The following USH2A variants were observed in gnomAD, a reference collection of about 807,000 sequenced individuals.
USH2A encodes usherin.
USH2A carries 443 observed loss-of-function variants against 538.9 expected under a neutral mutation model. That is an observed-to-expected ratio of 0.82 (90% CI 0.76 to 0.89). The LOEUF is 0.89. Among genes scored for constraint, USH2A ranks in the 40% least tolerant of loss-of-function variants. The pLI, the probability that USH2A is intolerant of heterozygous loss-of-function variation, is 0.00. For synonymous variants in USH2A, 2,413 were observed against 2,273.5 expected, an observed-to-expected ratio of 1.06 and a Z score of -1.75; for missense variants, 6,633 against 6,324.8, an observed-to-expected ratio of 1.05 and a Z score of -1.65.
chr1:216,345,799 G>A (rs905670807), intron 4 of USH2A, among the ~76,000 whole-genome samples: 1 of 152,090 alleles, frequency 6.6e-6, no homozygotes, highest in Admixed American at 6.6e-5. Context: ...TTGACCTTGT[G>A]ACCACATGGC....
At chr1:216,009,745 A>G (rs1174904834) in intron 32 of USH2A, among the ~76,000 whole-genome samples, 2 of 151,994 alleles carry the variant, frequency 1.3e-5, no homozygotes, top group African/African-American at 2.4e-5. Context: ...CCTCCACCCT[A>G]TAATCCTTTT....
rs149339941 is a variant in USH2A at position 216,198,405 on chromosome 1, G to A, written c.3991C>T (p.Pro1331Ser). The A allele has an allele frequency of 6.2e-6, 10 of 1,613,976 alleles. No individual in the cohort carries two copies. The highest frequency in any genetic ancestry group is 4.0e-5 in the African/African-American group (3 of 75,006). ...QTMTTITGLE[P>S]YTKYEFRVLA... Reference sequence around the variant, plus strand: ...ACTCTGAACTCATACTTGGTGTATGGCTCCAAGCCAGTGATGGTTGTCATT... The same window carrying A: ...ACTCTGAACTCATACTTGGTGTATGACTCCAAGCCAGTGATGGTTGTCATT... Residue 1331 changes from proline (P) to serine (S), a missense_variant, in exon 18 of 72, where the codon CCA (proline) becomes TCA (serine). Physicochemically the swap from Pro to Ser is moderately conservative, Grantham distance 74. Coordinates refer to ENST00000307340, the MANE Select transcript of USH2A (RefSeq NM_206933.4).
chr1:216,371,161 A>T (rs988244893), intron 3 of USH2A, among the ~76,000 whole-genome samples: 5 of 152,220 alleles, frequency 3.3e-5, no homozygotes, highest in African/African-American at 1.2e-4. Context: ...TTATAACTTC[A>T]GTTCACAAGT....
intron 4 of USH2A, among the ~76,000 whole-genome samples, chr1:216,346,247 T>C (rs1396202339): frequency 3.9e-5 from 6 of 152,038 alleles, no homozygotes; most frequent in Non-Finnish European, 8.8e-5. Context: ...CCATTAAAAG[T>C]CAGCTTAATT....
At chr1:216,183,828 T>C (rs537881630) in intron 20 of USH2A, among the ~76,000 whole-genome samples, 5 of 152,150 alleles carry the variant, frequency 3.3e-5, no homozygotes, top group Non-Finnish European at 7.4e-5. Flanking sequence ...CTCCTAAATG[T>C]GCGGTTCTTT....
chr1:215,846,086 A>G (rs1663839391), intron 44 of USH2A, 53 bp from the exon 45 acceptor site: 7 of 1,450,296 alleles, frequency 4.8e-6, no homozygotes, highest in Admixed American at 1.9e-5. Flanking sequence ...TTTCAGGGGA[A>G]AAAAAAAATT....
intron 38 of USH2A, among the ~76,000 whole-genome samples, chr1:215,903,428 T>G (rs1452980914): frequency 1.3e-5 from 2 of 151,714 alleles, no homozygotes; most frequent in African/African-American, 4.8e-5. Flanking sequence ...CAAAGGAAGG[T>G]TTTCTAAAGA....
At chr1:216,147,904 C>A (rs1365751593) in intron 21 of USH2A, among the ~76,000 whole-genome samples, 2 of 146,054 alleles carry the variant, frequency 1.4e-5, no homozygotes, top group Non-Finnish European at 3.0e-5. Flanking sequence ...TGTGTGGGAC[C>A]CCACTGAAAA....
intron 21 of USH2A, among the ~76,000 whole-genome samples, chr1:216,118,655 T>C (rs1479111857): frequency 6.6e-6 from 1 of 152,218 alleles, no homozygotes; most frequent in Non-Finnish European, 1.5e-5. Flanking sequence ...AGACAATACC[T>C]GGTTTCTGTT....
intron 41 of USH2A, among the ~76,000 whole-genome samples, chr1:215,881,038 G>A (rs1358507540): frequency 2.6e-5 from 4 of 152,134 alleles, no homozygotes; most frequent in African/African-American, 7.2e-5. Context: ...CCAGGGAGGC[G>A]GAGGCTGCAC....
intron 16 of USH2A, among the ~76,000 whole-genome samples, chr1:216,203,269 A>T (rs2035038485): frequency 6.6e-6 from 1 of 151,918 alleles, no homozygotes; most frequent in Non-Finnish European, 1.5e-5. Flanking sequence ...ACATACATAT[A>T]TATGTGTGTA....
intron 61 of USH2A, among the ~76,000 whole-genome samples, chr1:215,720,032 T>C (rs965678012): frequency 3.9e-5 from 6 of 152,142 alleles, no homozygotes; most frequent in African/African-American, 1.4e-4. Context: ...GAATAATGAG[T>C]ATGATTTAGA....
intron 22 of USH2A, among the ~76,000 whole-genome samples, chr1:216,094,719 T>C (rs1379709871): frequency 6.6e-6 from 1 of 152,156 alleles, no homozygotes; most frequent in East Asian, 1.9e-4. Context: ...AATTTATGGA[T>C]ATCAACAACC....
At chr1:216,083,342 C>A (rs2032012760) in intron 26 of USH2A, 114 bp downstream of exon 26, 2 of 1,226,772 alleles carry the variant, frequency 1.6e-6, no homozygotes, top group Non-Finnish European at 2.2e-6. Context: ...AAAAAATGAA[C>A]AAATGTGAAT....
chr1:215,652,465 T>C (rs1236381185), intron 64 of USH2A, among the ~76,000 whole-genome samples: 1 of 152,228 alleles, frequency 6.6e-6, no homozygotes, highest in African/African-American at 2.4e-5. Context: ...GAGGGAGGTT[T>C]GTTTTGGTAA....
At chr1:216,241,497 CT>C (rs1271518943) in intron 13 of USH2A, among the ~76,000 whole-genome samples, 1 of 151,108 alleles carries the variant, frequency 6.6e-6, no homozygotes, top group East Asian at 1.9e-4. Context: ...TTTCCTGGCT[CT>C]TTTTTTGGAG....
At chr1:216,064,606 G>T (rs764781700) in intron 30 of USH2A, among the ~76,000 whole-genome samples, 1 of 151,882 alleles carries the variant, frequency 6.6e-6, no homozygotes, top group Non-Finnish European at 1.5e-5. Context: ...TAATGTTTTG[G>T]TCAACAACAG....
intron 15 of USH2A, among the ~76,000 whole-genome samples, chr1:216,213,200 TAGAA>T (rs2035278400): frequency 1.3e-5 from 2 of 152,130 alleles, no homozygotes; most frequent in Non-Finnish European, 2.9e-5. Flanking sequence ...TCTTGTAACA[TAGAA>T]CATTGCTGAA....
At chr1:215,746,581 G>A (rs777306013) in intron 58 of USH2A, among the ~76,000 whole-genome samples, 1 of 152,074 alleles carries the variant, frequency 6.6e-6, no homozygotes, top group Non-Finnish European at 1.5e-5. Context: ...CAAAACTTAG[G>A]TTAAAAATGA....
Sources: gnomAD v4.1 joint callset for allele counts (sites outside exome capture counted in the v4.1 genomes callset) on GRCh38, gnomAD v4.1.1 for gene constraint, MANE v1.5 for transcripts, NCBI Gene and HGNC (gene_info 2026-07-23, HGNC 2026-07-21) for gene names.